The following TNR variants were observed in gnomAD, a reference collection of about 807,000 sequenced individuals.
TNR encodes the protein tenascin-R.
A neutral mutation model predicts 150.4 loss-of-function variants in TNR; 45 were observed. That is an observed-to-expected ratio of 0.30 (90% confidence interval 0.24 to 0.38). The LOEUF is 0.38. TNR is among the 10% of genes least tolerant of loss of function. The pLI is 1.00. For missense variants in TNR, 1,544 were observed against 1,759.1 expected, an observed-to-expected ratio of 0.88 and a Z score of 2.19; for synonymous variants, 687 against 678.4, an observed-to-expected ratio of 1.01 and a Z score of -0.20.
At chr1:175,623,285 C>T (rs1571686975) in intron 1 of TNR, among the ~76,000 whole-genome samples, 3 of 152,296 alleles carry the variant, frequency 2.0e-5, no homozygotes, top group South Asian at 4.1e-4. Context: ...ATTACTATTA[C>T]ACATTTCTCT....
intron 1 of TNR, among the ~76,000 whole-genome samples, chr1:175,672,369 T>C (rs530665267): frequency 5.3e-5 from 8 of 152,316 alleles, no homozygotes; most frequent in Non-Finnish European, 1.0e-4. Flanking sequence ...CTTTGGCCCA[T>C]GAGCTGGGAC....
At chr1:175,589,874 C>T (rs780981781) in intron 1 of TNR, among the ~76,000 whole-genome samples, 3 of 152,082 alleles carry the variant, frequency 2.0e-5, no homozygotes, top group Non-Finnish European at 2.9e-5. Context: ...GGAGGGATAG[C>T]GTTAGGAGAA....
At chr1:175,636,411 C>T (rs56678359) in intron 1 of TNR, among the ~76,000 whole-genome samples, 2 of 152,012 alleles carry the variant, frequency 1.3e-5, no homozygotes. Flanking sequence ...ATGCCCCTGA[C>T]TCATAGTCTT....
intron 9 of TNR, among the ~76,000 whole-genome samples, chr1:175,375,947 C>T (rs537740109): frequency 6.6e-6 from 1 of 152,338 alleles, no homozygotes; most frequent in African/African-American, 2.4e-5. Flanking sequence ...GATGAGAGAA[C>T]TAAAGTGCAG....
intron 2 of TNR, among the ~76,000 whole-genome samples, chr1:175,519,292 G>A (rs1166164035): frequency 6.6e-6 from 1 of 152,202 alleles, no homozygotes; most frequent in African/African-American, 2.4e-5. Flanking sequence ...ATCTTCCAGT[G>A]TGTGTGTTCA....
intron 2 of TNR, among the ~76,000 whole-genome samples, chr1:175,505,658 A>T (rs1323845856): frequency 6.6e-6 from 1 of 152,240 alleles, no homozygotes; most frequent in African/African-American, 2.4e-5. Context: ...GTGAATTTAG[A>T]CAAATTACTC....
intron 2 of TNR, among the ~76,000 whole-genome samples, chr1:175,493,725 G>T (rs1183220095): frequency 6.6e-6 from 1 of 152,224 alleles, no homozygotes; most frequent in Non-Finnish European, 1.5e-5. Context: ...TAAGGTGGGG[G>T]GTAGTGGTCC....
At chr1:175,563,786 T>C (rs1419174577) in intron 1 of TNR, among the ~76,000 whole-genome samples, 1 of 152,206 alleles carries the variant, frequency 6.6e-6, no homozygotes, top group Non-Finnish European at 1.5e-5. Flanking sequence ...TCACACACAC[T>C]CTCCTGCCTT....
chr1:175,369,850 C>G (rs1201657458), intron 9 of TNR, among the ~76,000 whole-genome samples: 1 of 152,182 alleles, frequency 6.6e-6, no homozygotes, highest in Non-Finnish European at 1.5e-5. Context: ...GCCTGGCAGC[C>G]AGGGGGTTCT....
chr1:175,325,319 T>G (rs1348119015), intron 21 of TNR, among the ~76,000 whole-genome samples: 3 of 152,150 alleles, frequency 2.0e-5, no homozygotes, highest in Admixed American at 6.5e-5. Flanking sequence ...CACAATGAGA[T>G]ACCATCTCAC....
chr1:175,483,850 C>T (rs1284873013), intron 2 of TNR, among the ~76,000 whole-genome samples: 1 of 152,150 alleles, frequency 6.6e-6, no homozygotes, highest in Admixed American at 6.5e-5. Context: ...GTTTGTGTTT[C>T]ACTCTGCCAG....
At chr1:175,655,887 T>C (rs1189346728) in intron 1 of TNR, among the ~76,000 whole-genome samples, 1 of 152,038 alleles carries the variant, frequency 6.6e-6, no homozygotes. Context: ...TGGGGATAGA[T>C]GGGGAGATGG....
intron 1 of TNR, among the ~76,000 whole-genome samples, chr1:175,622,652 C>T (rs1664018366): frequency 6.6e-6 from 1 of 152,142 alleles, no homozygotes; most frequent in Non-Finnish European, 1.5e-5. Context: ...CTTTAGATGC[C>T]TGTATTGGTT....
chr1:175,624,819 G>A (rs1181124031), intron 1 of TNR, among the ~76,000 whole-genome samples: 1 of 152,162 alleles, frequency 6.6e-6, no homozygotes, highest in Non-Finnish European at 1.5e-5. Flanking sequence ...GGCAGATGGA[G>A]CAACGTGCAG....
chr1:175,692,589 A>T (rs1666402370), intron 1 of TNR, among the ~76,000 whole-genome samples: 1 of 152,192 alleles, frequency 6.6e-6, no homozygotes, highest in Non-Finnish European at 1.5e-5. Flanking sequence ...TTGAGAGAAC[A>T]CCATGGGCAA....
chr1:175,673,945 A>G (rs1665778151), intron 1 of TNR, among the ~76,000 whole-genome samples: 1 of 152,250 alleles, frequency 6.6e-6, no homozygotes, highest in Admixed American at 6.5e-5. Flanking sequence ...TCCACCTAGG[A>G]GGTGCTGGAG....
In TNR at chr1:175,337,600, G is replaced by A. The variant is rs774101452; in HGVS notation, c.3462C>T (p.Ile1154=). ...NGDTLSGVYP[I]FLNGELSQKL... ...TCTGGCTCAGCTCCCCATTGAGGAAGATGGGGTAAACCCCACTCAAAGTGT... is the reference window on the plus strand; with the variant it reads ...TCTGGCTCAGCTCCCCATTGAGGAAAATGGGGTAAACCCCACTCAAAGTGT... The change falls in exon 19 of 23, where the codon ATC becomes ATT. Residue 1154 remains isoleucine (I), a synonymous_variant. Coordinates refer to ENST00000367674, the MANE Select transcript of TNR (RefSeq NM_003285.3). The A allele has an allele frequency of 6.2e-7, 1 of 1,614,100 alleles. No individual in the cohort carries two copies. The highest frequency in any genetic ancestry group is 1.1e-5 in the South Asian group (1 of 91,076).
chr1:175,503,425 A>G (rs1446077731), intron 2 of TNR, among the ~76,000 whole-genome samples: 1 of 152,208 alleles, frequency 6.6e-6, no homozygotes, highest in African/African-American at 2.4e-5. Context: ...TAGGTAATAT[A>G]TATATGAGAG....
chr1:175,331,078 C>CCCTTTCTTTCTTTCTTTCTTTCT lies in TNR; in HGVS notation c.3632-844_3632-843insAGAAAGAAAGAAAGAAAGAAAGG, dbSNP rs1649823861. ...CTTTCTTTCTTTCTTTCTTTCTTTC[C>CCCTTTCTTTCTTTCTTTCTTTCT]TTCTTTCTTTCTTTCTTTCTTTCTC... On this transcript the variant is annotated intron_variant, in intron 20 of 22. Coordinates refer to ENST00000367674, the MANE Select transcript of TNR (RefSeq NM_003285.3). 3.3e-5 allele frequency among the ~76,000 whole-genome samples: 2 copies of CCCTTTCTTTCTTTCTTTCTTTCT among 59,916 alleles called. 1 individual carries two copies. Among genetic ancestry groups the CCCTTTCTTTCTTTCTTTCTTTCT allele is most frequent in the Non-Finnish European group, 6.9e-5 (2 of 28,944 alleles). 39.3% of individuals were successfully genotyped at this position (59,916 alleles called of 152,430 possible).
Sources: allele counts gnomAD v4.1 joint callset (sites outside exome capture counted in the v4.1 genomes callset), GRCh38; gene constraint gnomAD v4.1.1; transcripts MANE v1.5; gene names NCBI Gene and HGNC (gene_info 2026-07-23, HGNC 2026-07-21).